The following SCARA5 variants were observed in gnomAD, a reference collection of about 807,000 sequenced individuals.
SCARA5 encodes the protein scavenger receptor class A member 5, also known as scavenger receptor class A, member 5 (putative).
In SCARA5, 45 loss-of-function variants were observed where a neutral mutation model predicts 46.3. The ratio of observed to expected loss-of-function variants is 0.97; its 90% CI spans 0.76 to 1.24. The LOEUF is 1.24. Among genes scored for constraint, SCARA5 ranks in the 50% most tolerant of loss-of-function variants. The pLI, the probability that SCARA5 is intolerant of heterozygous loss-of-function variation, is 0.00. For synonymous variants in SCARA5, 333 were observed against 306.5 expected (o/e 1.09, Z -0.90); for missense variants, 680 against 689.0 (o/e 0.99, Z 0.15).
At chr8:27,905,280 G>A (rs1294307059) in intron 6 of SCARA5, among the ~76,000 whole-genome samples, 1 of 152,066 alleles carries the variant, frequency 6.6e-6, no homozygotes, top group African/African-American at 2.4e-5. Flanking sequence ...TGAGATACCA[G>A]GGAATTGTGG....
intron 2 of SCARA5, among the ~76,000 whole-genome samples, chr8:27,971,605 TCAAA>T (rs1171453151): frequency 2.0e-5 from 3 of 152,002 alleles, no homozygotes; most frequent in South Asian, 2.1e-4. Flanking sequence ...TCTCCCAAAC[TCAAA>T]CAGACTCATG....
intron 1 of SCARA5, among the ~76,000 whole-genome samples, chr8:27,990,290 G>C (rs1056461175): frequency 2.0e-5 from 3 of 152,198 alleles, no homozygotes; most frequent in Admixed American, 6.5e-5. Flanking sequence ...ACTCATGTTT[G>C]TTACTTGGAA....
Position 27,871,522 on chromosome 8 carries a change from G to A in SCARA5, c.*412C>T. ...TTGGACTAATGGAGGTTTGGGAATT[G>A]TCTGAAGAGTAAATGATCTATACTA... On this transcript the variant is annotated 3_prime_UTR_variant, in exon 9 of 9. Transcript: ENST00000354914. The A allele has an allele frequency of 2.0e-6, 2 of 1,007,690 alleles. No individual in the cohort carries two copies. Among genetic ancestry groups the A allele is most frequent in the Non-Finnish European group, 2.4e-6 (2 of 843,446 alleles). The allele number at this position is 1,007,690 out of a possible 1,614,324, so 62.4% of individuals were successfully genotyped here.
chr8:27,940,035 GC>G (rs1807918711), intron 3 of SCARA5, among the ~76,000 whole-genome samples: 1 of 152,208 alleles, frequency 6.6e-6, no homozygotes, highest in African/African-American at 2.4e-5. Context: ...AGGGCGGCAA[GC>G]ATGTTTCTCT....
chr8:27,935,555 G>A (rs1023988772), intron 3 of SCARA5, among the ~76,000 whole-genome samples: 1 of 152,156 alleles, frequency 6.6e-6, no homozygotes. Flanking sequence ...GAGCAAGCAG[G>A]GTGACAGCAC....
At chr8:27,893,612 G>A (rs2129713103) in intron 7 of SCARA5, among the ~76,000 whole-genome samples, 1 of 152,234 alleles carries the variant, frequency 6.6e-6, no homozygotes, top group Middle Eastern at 3.4e-3. Flanking sequence ...TAGCACACCA[G>A]ACAGCTGCTC....
intron 2 of SCARA5, among the ~76,000 whole-genome samples, chr8:27,972,439 C>T (rs1236097841): frequency 2.6e-5 from 4 of 152,198 alleles, no homozygotes; most frequent in African/African-American, 9.7e-5. Flanking sequence ...TATGTAGCCA[C>T]ATCCTGGGAA....
chr8:27,925,837 C>A (rs1382009714), intron 3 of SCARA5, among the ~76,000 whole-genome samples: 1 of 152,146 alleles, frequency 6.6e-6, no homozygotes, highest in Non-Finnish European at 1.5e-5. Context: ...AGCCAACAGA[C>A]AGGTGAAAAA....
intron 4 of SCARA5, among the ~76,000 whole-genome samples, chr8:27,916,796 C>T (rs1490123013): frequency 1.3e-5 from 2 of 152,122 alleles, no homozygotes; most frequent in East Asian, 1.9e-4. Context: ...CAAGCACTGT[C>T]GAACTGTGAA....
chr8:27,914,667 A>G (rs1016174694), intron 4 of SCARA5, among the ~76,000 whole-genome samples: 1 of 152,186 alleles, frequency 6.6e-6, no homozygotes, highest in African/African-American at 2.4e-5. Context: ...TTTCTACACC[A>G]TCTCATTTCT....
intron 3 of SCARA5, among the ~76,000 whole-genome samples, chr8:27,960,193 T>A (rs1235228346): frequency 7.5e-6 from 1 of 133,042 alleles, no homozygotes; most frequent in South Asian, 2.6e-4. Context: ...TTTTTTTTTT[T>A]AAAGACAGGA....
At chr8:27,931,161 A>G (rs1030855007) in intron 3 of SCARA5, among the ~76,000 whole-genome samples, 1 of 152,252 alleles carries the variant, frequency 6.6e-6, no homozygotes, top group African/African-American at 2.4e-5. Flanking sequence ...AGTGCTGTGC[A>G]CAGGAAACAA....
rs1333838345 is a variant in SCARA5 at position 27,879,635 on chromosome 8, C to T, written c.1285G>A (p.Val429Met). The T allele has an allele frequency of 4.3e-6, 7 of 1,612,408 alleles. No homozygotes were observed. In the East Asian group the frequency reaches 1.1e-4, roughly 26 times the overall value. Residue 429 changes from valine to methionine, a missense_variant, in exon 8 of 9, where the codon GTG becomes ATG. Val to Met is a conservative substitution (Grantham distance 21). This residue lies in a region of SCARA5 where 219 missense variants were observed against 269.5 expected (regional missense o/e 0.81). Coordinates refer to ENST00000354914, the MANE Select transcript of SCARA5 (RefSeq NM_173833.6). Reference protein sequence around the residue: ...DDGWDKKDGDVVCRMLGFRGV... With the variant: ...DDGWDKKDGDMVCRMLGFRGV... ...CGGAAGCCGAGCATGCGGCACACCA[C>T]GTCTCCGTCCTTCTTGTCCCAGCCG...
At chr8:27,923,731 A>G (rs937762934) in intron 3 of SCARA5, among the ~76,000 whole-genome samples, 2 of 151,868 alleles carry the variant, frequency 1.3e-5, no homozygotes, top group African/African-American at 4.8e-5. Flanking sequence ...GCATGCCACC[A>G]CTCCCAGCTA....
intron 4 of SCARA5, among the ~76,000 whole-genome samples, chr8:27,918,689 A>AAGG (rs1164623097): frequency 1.7e-3 from 8 of 4,712 alleles, no homozygotes; most frequent in Admixed American, 0.011. Context: ...TGAGGAGGAA[A>AAGG]AGGAAGATGA....
chr8:27,887,794 T>C (rs1434231530), intron 7 of SCARA5, among the ~76,000 whole-genome samples: 2 of 152,132 alleles, frequency 1.3e-5, no homozygotes, highest in Non-Finnish European at 2.9e-5. Flanking sequence ...ATCTTGAGTA[T>C]CTTCAAGGGA....
chr8:27,977,784 C>G (rs1356415141), intron 2 of SCARA5, among the ~76,000 whole-genome samples: 1 of 152,240 alleles, frequency 6.6e-6, no homozygotes, highest in African/African-American at 2.4e-5. Context: ...GCCTCCTTAC[C>G]TAATTCCAGC....
chr8:27,977,736 GC>G (rs1808548117), intron 2 of SCARA5, among the ~76,000 whole-genome samples: 1 of 152,162 alleles, frequency 6.6e-6, no homozygotes, highest in African/African-American at 2.4e-5. Flanking sequence ...CCCTATCACT[GC>G]CCTGGCTCTC....
intron 7 of SCARA5, among the ~76,000 whole-genome samples, chr8:27,890,733 GCA>G (rs1447443501): frequency 1.3e-5 from 2 of 152,242 alleles, no homozygotes. Flanking sequence ...AGCTCGCTGT[GCA>G]CACAGTGACT....
Sources: gnomAD v4.1 joint callset for allele counts (sites outside exome capture counted in the v4.1 genomes callset) on GRCh38, gnomAD v4.1.1 for gene constraint, gnomAD v4.1.1 regional missense constraint, MANE v1.5 for transcripts, NCBI Gene and HGNC (gene_info 2026-07-23, HGNC 2026-07-21) for gene names.